The following TTLL5 variants were observed in gnomAD, a reference collection of about 807,000 sequenced individuals.
The protein encoded by TTLL5 is tubulin polyglutamylase TTLL5.
Under a neutral mutation model 168.4 loss-of-function variants are expected in TTLL5, and 132 were observed. The observed-to-expected ratio is 0.78, with a 90% confidence interval of 0.68 to 0.91. The LOEUF is 0.91. TTLL5 is among the 40% of genes least tolerant of loss of function. The pLI is 0.00. For missense variants in TTLL5, 1,545 were observed against 1,581.5 expected (o/e 0.98, Z 0.39); for synonymous variants, 546 against 558.6 (o/e 0.98, Z 0.32).
At chr14:75,838,553 C>T (rs1332119279) in intron 28 of TTLL5, 1 of 149,352 alleles carries the variant, frequency 6.7e-6, no homozygotes, top group Non-Finnish European at 1.5e-5. Context: ...TGGAGCGAGA[C>T]TCCGTCTCAA....
chr14:75,669,388 A>T (rs899911451), intron 2 of TTLL5, 28 bp from the exon 3 acceptor site: 10 of 1,597,216 alleles, frequency 6.3e-6, no homozygotes, highest in Non-Finnish European at 8.6e-6. Context: ...TGAGCTGTAA[A>T]TTAATGAAGG....
intron 24 of TTLL5, 72 bp downstream of exon 24, chr14:75,779,774 G>A: frequency 6.8e-7 from 1 of 1,480,730 alleles, no homozygotes; most frequent in Non-Finnish European, 9.1e-7. Context: ...AGGAGAATGA[G>A]GAATAATGTG....
In TTLL5 at chr14:75,780,585, G is replaced by A. The variant is rs369581609; in HGVS notation, c.2515+883G>A. Among the ~76,000 whole-genome samples, 11 of 152,302 alleles carry A rather than the reference G, an allele frequency of 7.2e-5. No individual in the cohort carries two copies. The East Asian group carries it at 1.2e-3, about 16-fold the overall frequency. ...TAATCAACCTACTGATGTTGTCAGT[G>A]TGCTAAGTACTAGATTCAAAGATGG... is the stretch of plus-strand genomic sequence containing the variant. On this transcript the variant is annotated intron_variant, in intron 24 of 31. Transcript: ENST00000298832.
chr14:75,745,429 T>C, intron 16 of TTLL5, 61 bp from the exon 17 acceptor site: 2 of 1,529,722 alleles, frequency 1.3e-6, no homozygotes, highest in South Asian at 1.1e-5. Context: ...TCCTTTGTCC[T>C]ATAGCCACAT....
intron 5 of TTLL5, 86 bp from the exon 6 acceptor site, chr14:75,690,106 G>A: frequency 6.8e-7 from 1 of 1,481,172 alleles, no homozygotes; most frequent in Non-Finnish European, 9.4e-7. Context: ...GTCTAGGACT[G>A]TGAACTGTAA....
chr14:75,737,706 T>C (rs1888996437), intron 15 of TTLL5: 1 of 1,274,702 alleles, frequency 7.8e-7, no homozygotes, highest in Non-Finnish European at 1.1e-6. Flanking sequence ...TATTTTTATG[T>C]ACCTATTTTT....
At chr14:75,934,315 G>A (rs950344582) in intron 31 of TTLL5, among the ~76,000 whole-genome samples, 17 of 152,142 alleles carry the variant, frequency 1.1e-4, no homozygotes, top group African/African-American at 3.9e-4. Context: ...TACTAGTTTG[G>A]GGTTGCTTTT....
chr14:75,709,560 A>G (rs1376791204), intron 9 of TTLL5: 1 of 239,910 alleles, frequency 4.2e-6, no homozygotes, highest in African/African-American at 2.2e-5. Flanking sequence ...GTTATTAGAT[A>G]AAGGGCTGGA....
Position 75,773,971 on chromosome 14 carries a change from G to A in TTLL5, c.2137-1513G>A, listed in dbSNP as rs868832331. ...AGAGAGAGAGAAAGAGAGAGAGAGA[G>A]AGAGAGAGAGAGAGAGAGAGAGAGA... On this transcript the variant is annotated intron_variant, in intron 21 of 31. Transcript: ENST00000298832. Among the ~76,000 whole-genome samples, 435 of 126,588 alleles carry A rather than the reference G, an allele frequency of 3.4e-3. 5 individuals are homozygous for A. Among genetic ancestry groups the A allele is most frequent in the African/African-American group, 0.011 (326 of 28,966 alleles). The allele number at this position is 126,588 out of a possible 152,430, so 83.0% of individuals were successfully genotyped here.
At chr14:75,751,338 C>G (rs978000506) in intron 17 of TTLL5, among the ~76,000 whole-genome samples, 9 of 152,186 alleles carry the variant, frequency 5.9e-5, no homozygotes, top group African/African-American at 2.2e-4. Flanking sequence ...TACCGTTTCA[C>G]CGAAAGGAAG....
At chr14:75,745,933 G>A (rs1302362385) in intron 17 of TTLL5, among the ~76,000 whole-genome samples, 3 of 152,022 alleles carry the variant, frequency 2.0e-5, no homozygotes, top group African/African-American at 7.2e-5. Context: ...TTTATATGCA[G>A]TAAAATGCAT....
Position 75,783,211 on chromosome 14 carries a change from T to G in TTLL5, c.2667T>G (p.Thr889=). ...LVYSNSSSGP[T]ATLQKIPNTH... ...ATAGCAATTCCTCCTCTGGTCCTAC[T>G]GCTACTCTGCAGAAAATTCCCAACA... The change falls in exon 26 of 32, where the codon ACT becomes ACG. Residue 889 remains threonine (T), a synonymous_variant. Transcript: ENST00000298832. The G allele has an allele frequency of 1.9e-6, 3 of 1,614,160 alleles. No homozygotes were observed. Among genetic ancestry groups the G allele is most frequent in the Non-Finnish European group, 2.5e-6 (3 of 1,180,028 alleles).
intron 3 of TTLL5, among the ~76,000 whole-genome samples, chr14:75,670,626 G>A (rs994740566): frequency 6.6e-6 from 1 of 152,154 alleles, no homozygotes; most frequent in African/African-American, 2.4e-5. Context: ...TGAATGTGAT[G>A]TGGTATCTGG....
chr14:75,680,151 G>A (rs1300216444), intron 3 of TTLL5, among the ~76,000 whole-genome samples: 2 of 152,164 alleles, frequency 1.3e-5, no homozygotes, highest in East Asian at 1.9e-4. Context: ...GTTAGTAGTG[G>A]TGCATAGAAA....
chr14:75,709,416 G>GCCATTATAAACAGC, intron 9 of TTLL5: 1 of 516,332 alleles, frequency 1.9e-6, no homozygotes, highest in Non-Finnish European at 3.5e-6. Flanking sequence ...GGCAGTCACA[G>GCCATTATAAACAGC]CATTTATAAG....
chr14:75,886,615 TA>T (rs1019736240), intron 30 of TTLL5: 2 of 1,489,218 alleles, frequency 1.3e-6, no homozygotes, highest in East Asian at 2.4e-5. Flanking sequence ...GGGAATGATT[TA>T]AAATTTTTTT....
intron 26 of TTLL5, among the ~76,000 whole-genome samples, chr14:75,785,005 AT>A (rs1312181985): frequency 6.6e-6 from 1 of 152,022 alleles, no homozygotes; most frequent in Non-Finnish European, 1.5e-5. Context: ...GTCAGATAGG[AT>A]TTATAAATAT....
At chr14:75,822,320 C>T (rs535708249) in intron 28 of TTLL5, among the ~76,000 whole-genome samples, 7 of 152,106 alleles carry the variant, frequency 4.6e-5, no homozygotes, top group African/African-American at 1.7e-4. Context: ...CTAAGCTATT[C>T]ATTTAATCTT....
At chr14:75,793,252 G>A (rs1892821928) in intron 27 of TTLL5, 152 bp downstream of exon 27, 1 of 729,894 alleles carries the variant, frequency 1.4e-6, no homozygotes, top group African/African-American at 1.8e-5. Flanking sequence ...AAATTATCAA[G>A]TTTTTCCTCT....
Sources: allele counts gnomAD v4.1 joint callset (sites outside exome capture counted in the v4.1 genomes callset), GRCh38; gene constraint gnomAD v4.1.1; transcripts MANE v1.5; gene names NCBI Gene and HGNC (gene_info 2026-07-23, HGNC 2026-07-21).